Variants in PTP4A3 observed in about 807,000 individuals in gnomAD.
PTP4A3 encodes the protein protein tyrosine phosphatase type IVA 3.
A neutral mutation model predicts 15.2 loss-of-function variants in PTP4A3; 9 were observed. That is an observed-to-expected ratio of 0.59 (90% CI 0.36 to 1.03). The LOEUF (loss-of-function observed/expected upper bound fraction) is 1.03. PTP4A3 is among the 50% of genes least tolerant of loss of function. The probability of loss-of-function intolerance (pLI) is 0.02; values close to 1 mark genes in which losing one functional copy is unlikely to be tolerated. For missense variants in PTP4A3, 234 were observed against 252.1 expected (o/e 0.93, Z 0.49); for synonymous variants, 95 against 102.0 (o/e 0.93, Z 0.41).
chr8:141,401,009 G>A (rs1251823097), intron 1 of PTP4A3, among the ~76,000 whole-genome samples: 1 of 152,124 alleles, frequency 6.6e-6, no homozygotes, highest in African/African-American at 2.4e-5. Context: ...GGGGCAAGCC[G>A]GGTGAGGACA....
At chr8:141,417,744 T>C (rs1242144322) in intron 1 of PTP4A3, among the ~76,000 whole-genome samples, 1 of 151,800 alleles carries the variant, frequency 6.6e-6, no homozygotes, top group African/African-American at 2.4e-5. Context: ...CTGGCTGGGC[T>C]TCCTCTTCCC....
At chr8:141,401,386 T>C (rs976444849) in intron 1 of PTP4A3, among the ~76,000 whole-genome samples, 1 of 152,104 alleles carries the variant, frequency 6.6e-6, no homozygotes, top group Non-Finnish European at 1.5e-5. Flanking sequence ...CTGGGTTTGG[T>C]GGGCTGGCCC....
intron 1 of PTP4A3, among the ~76,000 whole-genome samples, chr8:141,410,558 A>G (rs1182338911): frequency 2.0e-5 from 3 of 152,232 alleles, no homozygotes; most frequent in Non-Finnish European, 4.4e-5. Flanking sequence ...CAGGGACTCA[A>G]GCGAGGCCTC....
intron 1 of PTP4A3, among the ~76,000 whole-genome samples, chr8:141,414,757 C>A (rs1367895849): frequency 2.0e-5 from 3 of 152,016 alleles, no homozygotes; most frequent in African/African-American, 7.2e-5. Context: ...TTCTTAGTGA[C>A]CGCTCTCTGC....
rs201900679 is a variant in PTP4A3 at position 141,422,358 on chromosome 8, G to A, written c.105+13G>A. 22 of 1,613,200 alleles carry A rather than the reference G, an allele frequency of 1.4e-5. No homozygotes were observed. The highest frequency in any genetic ancestry group is 1.7e-5 in the Non-Finnish European group (20 of 1,179,874). On this transcript the variant is annotated intron_variant, in intron 2 of 5. Coordinates refer to ENST00000521578, the MANE Select transcript of PTP4A3 (RefSeq NM_032611.3). ...CACCTTCATTGAGGTGAGTGGAGAC[G>A]GAGGTGTGGCAGGCAGGTGGCCCAG... is the stretch of plus-strand genomic sequence containing the variant.
chr8:141,409,222 C>T (rs1055400473), intron 1 of PTP4A3, among the ~76,000 whole-genome samples: 1 of 152,202 alleles, frequency 6.6e-6, no homozygotes, highest in East Asian at 1.9e-4. Context: ...CCAACAGGCC[C>T]GTGTGAATGG....
chr8:141,401,735 C>T (rs1380204878), intron 1 of PTP4A3, among the ~76,000 whole-genome samples: 3 of 152,204 alleles, frequency 2.0e-5, no homozygotes, highest in Admixed American at 6.5e-5. Flanking sequence ...CTGTGGAGTC[C>T]CAGGATAGCA....
At chr8:141,398,288 G>A (rs913586043) in intron 1 of PTP4A3, among the ~76,000 whole-genome samples, 71 of 151,430 alleles carry the variant, frequency 4.7e-4, no homozygotes, top group African/African-American at 1.7e-3. Flanking sequence ...CATTTGAGTG[G>A]TTATAAGTTG....
rs1034113416 is a variant in PTP4A3, at chr8:141,432,190, G to C, written c.*1146G>C. 2.6e-5 allele frequency: 4 copies of C among 152,110 alleles called. No homozygotes were observed. Among genetic ancestry groups the C allele is most frequent in the Non-Finnish European group, 4.4e-5 (3 of 68,046 alleles). 9.4% of individuals were successfully genotyped at this position (152,110 alleles called of 1,614,324 possible). ...TGTGGAGAGCCTGGGAGTGGTCTCC[G>C]TCCTGGGGCCCCAGGAGGTTCCCGC... On this transcript the variant is annotated 3_prime_UTR_variant, in exon 6 of 6. Coordinates refer to ENST00000521578, the MANE Select transcript of PTP4A3 (RefSeq NM_032611.3).
chr8:141,429,504 A>C (rs1187891089), intron 5 of PTP4A3, among the ~76,000 whole-genome samples: 1 of 146,318 alleles, frequency 6.8e-6, no homozygotes, highest in Non-Finnish European at 1.5e-5. Flanking sequence ...CAGGGTGAGC[A>C]CATAGCCCAG....
intron 5 of PTP4A3, among the ~76,000 whole-genome samples, chr8:141,429,166 G>T (rs762596704): frequency 6.6e-6 from 1 of 152,258 alleles, no homozygotes; most frequent in Non-Finnish European, 1.5e-5. Context: ...ACCCGGAGGC[G>T]TGGCTGAGGG....
In PTP4A3 at chr8:141,422,111, C is replaced by T. The variant is rs1833358044; in HGVS notation, c.-130C>T. ...GGGGTATGGGGGTGGGTTTTTAAAT[C>T]TCGTTTCTCTTGGACAAGCACAGGG... On this transcript the variant is annotated 5_prime_UTR_variant, in exon 2 of 6. Transcript: ENST00000521578. 2 of 870,026 alleles carry T rather than the reference C, an allele frequency of 2.3e-6. No individual in the cohort carries two copies. Among genetic ancestry groups the T allele is most frequent in the South Asian group, 1.6e-5 (1 of 60,966 alleles). 53.9% of individuals were successfully genotyped at this position (870,026 alleles called of 1,614,324 possible).
rs1341344184 is a variant in PTP4A3, at chr8:141,392,101, C to T, written c.-854+17C>T. ...GACCGCCAGGTCAGTCTCCTCCGCGCCCGCTCGGGGCGGGGGCGCGCGGCG... is the reference window on the plus strand; with the variant it reads ...GACCGCCAGGTCAGTCTCCTCCGCGTCCGCTCGGGGCGGGGGCGCGCGGCG... On this transcript the variant is annotated intron_variant, in intron 1 of 5. Transcript: ENST00000521578. The T allele has an allele frequency of 1.4e-5, 2 of 146,774 alleles. No homozygotes were observed. The highest frequency in any genetic ancestry group is 3.9e-4 in the East Asian group (2 of 5,088). The allele number at this position is 146,774 out of a possible 1,614,324, so 9.1% of individuals were successfully genotyped here.
intron 4 of PTP4A3, among the ~76,000 whole-genome samples, 190 bp from the exon 5 acceptor site, chr8:141,427,560 T>C (rs914308783): frequency 6.6e-6 from 1 of 152,154 alleles, no homozygotes; most frequent in African/African-American, 2.4e-5. Flanking sequence ...AGAGGTTGCC[T>C]AGGAGGGAGC....
chr8:141,392,284 G>A (rs1292530015), intron 1 of PTP4A3, 200 bp downstream of exon 1: 1 of 152,022 alleles, frequency 6.6e-6, no homozygotes, highest in Non-Finnish European at 1.5e-5. Context: ...ACGTGGGCCT[G>A]GAGGCTGCCA....
At chr8:141,393,648 G>T (rs1178630856) in intron 1 of PTP4A3, among the ~76,000 whole-genome samples, 1 of 152,224 alleles carries the variant, frequency 6.6e-6, no homozygotes, top group Non-Finnish European at 1.5e-5. Context: ...TCAGCTGCCT[G>T]CTCCTCTCTG....
intron 5 of PTP4A3, among the ~76,000 whole-genome samples, chr8:141,429,235 C>T (rs1427488759): frequency 6.6e-6 from 1 of 152,250 alleles, no homozygotes; most frequent in African/African-American, 2.4e-5. Context: ...TGGAGCCACA[C>T]GGGGCACCTG....
At chr8:141,402,245 C>G (rs184195641) in intron 1 of PTP4A3, among the ~76,000 whole-genome samples, 24 of 152,294 alleles carry the variant, frequency 1.6e-4, no homozygotes, top group Non-Finnish European at 5.9e-5. Context: ...ATGGATGGGA[C>G]CAGTCGGGGT....
At chr8:141,395,310 A>G (rs560853087) in intron 1 of PTP4A3, among the ~76,000 whole-genome samples, 2 of 152,350 alleles carry the variant, frequency 1.3e-5, no homozygotes, top group African/African-American at 4.8e-5. Context: ...GACAGTTCAG[A>G]AAATAAGGAC....
Sources: gnomAD v4.1 joint callset for allele counts (sites outside exome capture counted in the v4.1 genomes callset) on GRCh38, gnomAD v4.1.1 for gene constraint, MANE v1.5 for transcripts, NCBI Gene and HGNC (gene_info 2026-07-23, HGNC 2026-07-21) for gene names.